DPYS: variants seen among roughly 807,000 people sequenced by gnomAD.
DPYS encodes the protein dihydropyrimidinase.
A neutral mutation model predicts 50.3 loss-of-function variants in DPYS; 39 were observed. The ratio of observed to expected loss-of-function variants is 0.78; its 90% CI spans 0.60 to 1.01. DPYS has a LOEUF of 1.01. DPYS is among the 50% of genes least tolerant of loss of function. DPYS has a pLI of 0.00. For synonymous variants in DPYS, 245 were observed against 250.7 expected (o/e 0.98, Z 0.22); for missense variants, 659 against 680.9 (o/e 0.97, Z 0.36).
intron 7 of DPYS, among the ~76,000 whole-genome samples, chr8:104,403,523 C>G (rs1254335397): frequency 2.0e-5 from 3 of 152,104 alleles, no homozygotes; most frequent in Admixed American, 2.0e-4. Flanking sequence ...AATGGCTAGA[C>G]TGTGAAGGGA....
intron 8 of DPYS, among the ~76,000 whole-genome samples, chr8:104,384,152 C>T (rs1231459916): frequency 1.3e-5 from 2 of 152,226 alleles, no homozygotes; most frequent in East Asian, 1.9e-4. Flanking sequence ...ACCTCAGAAA[C>T]AAGCAGCCTC....
chr8:104,451,995 T>G (rs1164564556), intron 1 of DPYS, among the ~76,000 whole-genome samples: 3 of 152,180 alleles, frequency 2.0e-5, no homozygotes, highest in African/African-American at 7.2e-5. Flanking sequence ...CTGATTGATC[T>G]TCATCTCCCA....
chr8:104,452,584 G>A (rs541546083), intron 1 of DPYS, among the ~76,000 whole-genome samples: 1 of 152,322 alleles, frequency 6.6e-6, no homozygotes, highest in Admixed American at 6.5e-5. Flanking sequence ...GGCCATGCCT[G>A]TAATCTCAGC....
chr8:104,461,663 G>T (rs1482375415), intron 1 of DPYS, among the ~76,000 whole-genome samples: 1 of 152,190 alleles, frequency 6.6e-6, no homozygotes, highest in African/African-American at 2.4e-5. Context: ...AAACTTGAAG[G>T]AGAGGTCACA....
rs146454197 is a variant in DPYS at position 104,402,923 on chromosome 8, T to A, written c.1236-9932A>T. ...AGCTCACTAAAATGCTAATTAGGCA[T>A]AAAGGAGGTAAAGAAATAGCCAATC... On this transcript the variant is annotated intron_variant, in intron 7 of 9. Transcript: ENST00000351513. 4.1e-4 allele frequency among the ~76,000 whole-genome samples: 63 copies of A among 152,126 alleles called. 1 individual carries two copies. The highest frequency in any genetic ancestry group is 4.1e-3 in the East Asian group (21 of 5,164).
chr8:104,422,065 C>T (rs1173768563), intron 7 of DPYS, among the ~76,000 whole-genome samples: 1 of 152,166 alleles, frequency 6.6e-6, no homozygotes, highest in African/African-American at 2.4e-5. Flanking sequence ...CAATGCTCTA[C>T]CCCTGAGCTG....
At chr8:104,429,846 T>G in intron 4 of DPYS, 145 bp from the exon 5 acceptor site, 2 of 995,260 alleles carry the variant, frequency 2.0e-6, no homozygotes, top group South Asian at 3.1e-5. Context: ...TTTACTTTTG[T>G]GGACAGGATT....
rs1435760604 is a variant in DPYS, at chr8:104,466,749, G to GC, written c.171dup (p.Leu58AlafsTer43). The GC allele has an allele frequency of 6.5e-7, 1 of 1,535,416 alleles. No homozygotes were observed. The highest frequency in any genetic ancestry group is 1.2e-5 in the South Asian group (1 of 83,614). The stretch of plus-strand genomic sequence containing the variant: ...GTGTCGATGCCTCCGGGCAGGACGA[G>GC]CTTGCCGGCGGCGTCGAGGACCCGC... On this transcript the variant is annotated frameshift_variant, in exon 1 of 10. Transcript: ENST00000351513. LOFTEE classifies it high-confidence loss of function.
At chr8:104,415,695 C>T (rs1209724527) in intron 7 of DPYS, among the ~76,000 whole-genome samples, 4 of 151,544 alleles carry the variant, frequency 2.6e-5, no homozygotes, top group Admixed American at 6.6e-5. Context: ...TCTGGAGGCT[C>T]GGGCTATCTT....
Position 104,402,652 on chromosome 8 carries a change from T to C in DPYS, c.1236-9661A>G, listed in dbSNP as rs76055709. ...AGCAGGAAAAGATGTCAGTTTCCTATATAGAAATACACTGGGTAAAACTCA... is the reference window on the plus strand; with the variant it reads ...AGCAGGAAAAGATGTCAGTTTCCTACATAGAAATACACTGGGTAAAACTCA... On this transcript the variant is annotated intron_variant, in intron 7 of 9. Transcript: ENST00000351513. Among the ~76,000 whole-genome samples the C allele has an allele frequency of 6.0e-3, 912 of 152,296 alleles. 4 individuals carry two copies. The highest frequency in any genetic ancestry group is 0.021 in the African/African-American group (862 of 41,566).
intron 4 of DPYS, among the ~76,000 whole-genome samples, chr8:104,442,100 A>G (rs1386911712): frequency 1.3e-5 from 2 of 152,230 alleles, no homozygotes; most frequent in African/African-American, 4.8e-5. Context: ...GAGCTAGAGA[A>G]GGCAAGTAAA....
chr8:104,396,880 A>C (rs2140530885), intron 7 of DPYS, among the ~76,000 whole-genome samples: 1 of 152,222 alleles, frequency 6.6e-6, no homozygotes, highest in Admixed American at 6.5e-5. Flanking sequence ...GGTTAGCAAG[A>C]GAAAGAGGAC....
At chr8:104,461,134 A>AT (rs1196913356) in intron 1 of DPYS, among the ~76,000 whole-genome samples, 1 of 150,488 alleles carries the variant, frequency 6.6e-6, no homozygotes, top group Non-Finnish European at 1.5e-5. Context: ...AAAAAAAAAA[A>AT]ATACAAAAAT....
intron 4 of DPYS, among the ~76,000 whole-genome samples, chr8:104,440,313 C>A (rs145972506): frequency 6.6e-6 from 1 of 151,362 alleles, no homozygotes; most frequent in South Asian, 2.1e-4. Flanking sequence ...CTCCTGGAGC[C>A]GTGATTCTCA....
intron 7 of DPYS, chr8:104,419,082 T>G (rs1029823522): frequency 1.0e-6 from 1 of 985,332 alleles, no homozygotes; most frequent in African/African-American, 1.7e-5. Flanking sequence ...TTAAAGAAAA[T>G]AAGACCAGCG....
chr8:104,441,548 T>C (rs1210182857), intron 4 of DPYS, among the ~76,000 whole-genome samples: 1 of 152,182 alleles, frequency 6.6e-6, no homozygotes, highest in Non-Finnish European at 1.5e-5. Flanking sequence ...GAGGTCAAAA[T>C]AATGTGATGT....
rs777678757 is a variant in DPYS, at chr8:104,429,571, G to A, written c.924C>T (p.Pro308=). The A allele has an allele frequency of 8.7e-6, 14 of 1,613,964 alleles. No homozygotes were observed. The highest frequency in any genetic ancestry group is 5.5e-5 in the South Asian group (5 of 91,078). Residue 308 remains proline (P), a synonymous_variant, in exon 5 of 10, where the codon CCC becomes CCT. Transcript: ENST00000351513. ...GPPLRPDPST[P]DFLMNLLAND... ...TAGCCAACAGATTCATGAGGAAGTC[G>A]GGTGTTGAGGGGTCTGGTCGCAAAG...
At chr8:104,414,501 A>G in intron 7 of DPYS, among the ~76,000 whole-genome samples, 1 of 149,194 alleles carries the variant, frequency 6.7e-6, no homozygotes, top group East Asian at 2.0e-4. Context: ...CTCTGCTCTT[A>G]AAAAAAAAAT....
intron 4 of DPYS, among the ~76,000 whole-genome samples, chr8:104,431,882 G>C (rs1378952867): frequency 6.6e-6 from 1 of 152,184 alleles, no homozygotes; most frequent in East Asian, 1.9e-4. Context: ...ATGTTACTAG[G>C]AAAAGTGCCA....
Sources: gnomAD v4.1 joint callset for allele counts (sites outside exome capture counted in the v4.1 genomes callset) on GRCh38, gnomAD v4.1.1 for gene constraint, MANE v1.5 for transcripts, NCBI Gene and HGNC (gene_info 2026-07-23, HGNC 2026-07-21) for gene names.